The following OSBPL10 variants were observed in gnomAD, a reference collection of about 807,000 sequenced individuals.
The protein encoded by OSBPL10 is oxysterol binding protein like 10.
A neutral mutation model predicts 81.7 loss-of-function variants in OSBPL10; 49 were observed. The observed-to-expected ratio is 0.60, with a 90% CI of 0.48 to 0.76. The LOEUF (loss-of-function observed/expected upper bound fraction) is 0.76, where lower values mean the gene tolerates loss of function less well. Ranked by LOEUF, OSBPL10 falls within the 30% of genes least tolerant of loss-of-function variation. The pLI, the probability that OSBPL10 is intolerant of heterozygous loss-of-function variation, is 0.00. For synonymous variants in OSBPL10, 419 were observed against 383.6 expected (o/e 1.09, Z -1.08); for missense variants, 923 against 987.8 (o/e 0.93, Z 0.88).
upstream of OSBPL10, among the ~76,000 whole-genome samples, chr3:31,985,117 TA>T (rs1698916971): frequency 6.6e-5 from 10 of 152,336 alleles, no homozygotes; most frequent in South Asian, 2.1e-3. Context: ...TACACGCCTG[TA>T]GTCCCAGCTA....
intron 5 of OSBPL10, among the ~76,000 whole-genome samples, chr3:31,737,014 T>C (rs1394582806): frequency 6.6e-6 from 1 of 152,188 alleles, no homozygotes; most frequent in Non-Finnish European, 1.5e-5. Context: ...CCCATCATTA[T>C]CCAGATATGG....
At chr3:31,877,234 A>G (rs1308739821) in intron 2 of OSBPL10, among the ~76,000 whole-genome samples, 1 of 152,136 alleles carries the variant, frequency 6.6e-6, no homozygotes, top group Non-Finnish European at 1.5e-5. Flanking sequence ...GCCTTTTGCT[A>G]TCTACCAGGG....
At position 31,670,983 on chromosome 3, in the gene OSBPL10, C is replaced by A; in HGVS notation, c.1727G>T (p.Gly576Val). 5 of 1,607,780 alleles carry A rather than the reference C, an allele frequency of 3.1e-6. No individual in the cohort carries two copies. The highest frequency in any genetic ancestry group is 4.3e-6 in the Non-Finnish European group (5 of 1,176,382). The change falls in exon 9 of 12, where the codon GGT becomes GTT. Residue 576 changes from glycine (G) to valine (V), a missense_variant and splice_region_variant. Transcript: ENST00000396556. Reference protein sequence around the residue: ...MSVGVSMIGEGVLRLLEHGEE... With the variant: ...MSVGVSMIGEVVLRLLEHGEE... ...CCCGTGTTCCAGGAGCCTCAACACA[C>A]CTCCAGGGAGAGAGGAGGGAGAGTT... is the stretch of plus-strand genomic sequence containing the variant.
At chr3:31,735,638 G>A (rs1015891136) in intron 5 of OSBPL10, among the ~76,000 whole-genome samples, 2 of 152,116 alleles carry the variant, frequency 1.3e-5, no homozygotes, top group Non-Finnish European at 2.9e-5. Flanking sequence ...GAGTGTTTGT[G>A]CATTCTGTTC....
At chr3:32,055,134 T>A (rs9880290) in intron 1 of OSBPL10, among the ~76,000 whole-genome samples, 6,050 of 150,050 alleles carry the variant, frequency 0.04, 336 homozygotes, top group African/African-American at 0.12. Flanking sequence ...TGCTTAAAAC[T>A]TTGCTGATCC....
intron 1 of OSBPL10, among the ~76,000 whole-genome samples, chr3:31,914,164 A>G (rs1454379843): frequency 1.3e-5 from 2 of 151,948 alleles, no homozygotes; most frequent in African/African-American, 4.8e-5. Flanking sequence ...CAAGTGATCC[A>G]CCCACCTCGG....
At chr3:31,766,565 C>T (rs1698206940) in intron 4 of OSBPL10, among the ~76,000 whole-genome samples, 1 of 151,944 alleles carries the variant, frequency 6.6e-6, no homozygotes, top group African/African-American at 2.4e-5. Flanking sequence ...GTCTTGAACT[C>T]CTAGCCTCAA....
chr3:31,785,714 T>C (rs538128284), intron 4 of OSBPL10, among the ~76,000 whole-genome samples: 1 of 152,304 alleles, frequency 6.6e-6, no homozygotes, highest in South Asian at 2.1e-4. Flanking sequence ...CTGAACATTT[T>C]CTGTTCTGGG....
chr3:31,711,226 C>T (rs1696242113), intron 6 of OSBPL10, among the ~76,000 whole-genome samples: 1 of 152,222 alleles, frequency 6.6e-6, no homozygotes, highest in Admixed American at 6.5e-5. Flanking sequence ...CACCTACTTT[C>T]CAACTGGACC....
intron 1 of OSBPL10, among the ~76,000 whole-genome samples, chr3:31,908,556 T>G (rs975612454): frequency 6.6e-6 from 1 of 152,180 alleles, no homozygotes; most frequent in Non-Finnish European, 1.5e-5. Context: ...TGGTGCCAGG[T>G]GTTTTTTGCC....
chr3:31,682,120 C>T (rs1297084080), intron 8 of OSBPL10, among the ~76,000 whole-genome samples: 1 of 152,216 alleles, frequency 6.6e-6, no homozygotes, highest in Non-Finnish European at 1.5e-5. Context: ...ACTACATTTA[C>T]TTCCTCCACT....
chr3:31,980,758 C>T, intron 1 of OSBPL10, 141 bp downstream of exon 1: 1 of 1,125,976 alleles, frequency 8.9e-7, no homozygotes, highest in Non-Finnish European at 1.2e-6. Context: ...GCAGGAAGGG[C>T]ACCGTTGGGA....
chr3:31,774,218 T>C (rs1445551228), intron 4 of OSBPL10, among the ~76,000 whole-genome samples: 1 of 150,850 alleles, frequency 6.6e-6, no homozygotes, highest in African/African-American at 2.4e-5. Context: ...TTTCAGGAGA[T>C]TCCTTTTAAA....
intron 1 of OSBPL10, among the ~76,000 whole-genome samples, chr3:31,917,865 A>G (rs1696802579): frequency 1.3e-5 from 2 of 151,796 alleles, no homozygotes; most frequent in South Asian, 2.1e-4. Context: ...AGAAACAGAT[A>G]CTTAAAATGT....
intron 6 of OSBPL10, among the ~76,000 whole-genome samples, chr3:31,707,749 T>C (rs1353605480): frequency 6.6e-6 from 1 of 152,106 alleles, no homozygotes; most frequent in Admixed American, 6.6e-5. Context: ...GGGAATGATG[T>C]CCCCTCATAG....
chr3:31,745,154 C>T (rs78975970), intron 5 of OSBPL10, among the ~76,000 whole-genome samples: 5 of 152,336 alleles, frequency 3.3e-5, no homozygotes, highest in Admixed American at 1.3e-4. Context: ...CGTGAATACA[C>T]GCAAATCTCC....
intron 4 of OSBPL10, among the ~76,000 whole-genome samples, chr3:31,775,869 G>A (rs1029777078): frequency 3.3e-5 from 5 of 152,192 alleles, no homozygotes; most frequent in African/African-American, 1.2e-4. Flanking sequence ...CCAGGTTCCA[G>A]TTAGAGAACA....
At position 31,764,461 on chromosome 3, in the gene OSBPL10, C is replaced by A. The variant is rs1698141859; in HGVS notation, c.730-16341G>T. On this transcript the variant is annotated intron_variant, in intron 4 of 11. Coordinates refer to ENST00000396556, the MANE Select transcript of OSBPL10 (RefSeq NM_017784.5). Reference sequence around the variant, plus strand: ...AAGACAGGGCAAGTGAAAGGAAGGGCGATTAAAGGGAGGCAAAACAGGGGA... The same window carrying A: ...AAGACAGGGCAAGTGAAAGGAAGGGAGATTAAAGGGAGGCAAAACAGGGGA... Among the ~76,000 whole-genome samples the A allele has an allele frequency of 1.3e-5, 2 of 151,404 alleles. 1 individual carries two copies. Among genetic ancestry groups the A allele is most frequent in the Admixed American group, 1.3e-4 (2 of 15,192 alleles).
At position 31,840,474 on chromosome 3, in the gene OSBPL10, A is replaced by C. The variant is rs1476286615; in HGVS notation, c.538-10243T>G. 2.0e-5 allele frequency among the ~76,000 whole-genome samples: 3 copies of C among 152,244 alleles called. No homozygotes were observed. In the East Asian group the frequency reaches 5.8e-4, roughly 29 times the overall value. On this transcript the variant is annotated intron_variant, in intron 3 of 11. Transcript: ENST00000396556. ...AAATCACGACATCATCAACATGCCC[A>C]AGCGGCGTGCAGACTCCTACAGGAG...
Sources: gnomAD v4.1 joint callset for allele counts (sites outside exome capture counted in the v4.1 genomes callset) on GRCh38, gnomAD v4.1.1 for gene constraint, MANE v1.5 for transcripts, NCBI Gene and HGNC (gene_info 2026-07-23, HGNC 2026-07-21) for gene names.